The following PPP2R3A variants were observed in gnomAD, a reference collection of about 807,000 sequenced individuals.
The protein encoded by PPP2R3A is protein phosphatase 2 regulatory subunit B''alpha.
In PPP2R3A, 80 loss-of-function variants were observed where a neutral mutation model predicts 106.9. The observed-to-expected ratio is 0.75, with a 90% CI of 0.62 to 0.90. The LOEUF (loss-of-function observed/expected upper bound fraction) is 0.90. Ranked by LOEUF, PPP2R3A falls within the 40% of genes least tolerant of loss-of-function variation. PPP2R3A has a pLI of 0.00. For synonymous variants in PPP2R3A, 483 were observed against 468.3 expected, an observed-to-expected ratio of 1.03 and a Z score of -0.41; for missense variants, 1,386 against 1,350.4, an observed-to-expected ratio of 1.03 and a Z score of -0.41.
intron 3 of PPP2R3A, among the ~76,000 whole-genome samples, chr3:136,038,379 T>C (rs1175095441): frequency 6.6e-6 from 1 of 152,206 alleles, no homozygotes; most frequent in African/African-American, 2.4e-5. Context: ...TTCAGAGACT[T>C]AATCCTCCTT....
chr3:136,038,955 G>C (rs991571801), intron 3 of PPP2R3A, among the ~76,000 whole-genome samples: 12 of 152,172 alleles, frequency 7.9e-5, no homozygotes, highest in African/African-American at 1.9e-4. Context: ...CTTAAATTCT[G>C]CTCTGCTTGC....
intron 3 of PPP2R3A, among the ~76,000 whole-genome samples, chr3:136,032,472 G>A (rs1934930517): frequency 6.6e-6 from 1 of 151,076 alleles, no homozygotes; most frequent in East Asian, 1.9e-4. Context: ...CATATCATCA[G>A]CAAACAGCGA....
At chr3:136,024,752 A>G (rs1281472605) in intron 2 of PPP2R3A, among the ~76,000 whole-genome samples, 1 of 152,182 alleles carries the variant, frequency 6.6e-6, no homozygotes, top group African/African-American at 2.4e-5. Flanking sequence ...GTGATTGTAC[A>G]CCTGAACCTC....
intron 13 of PPP2R3A, among the ~76,000 whole-genome samples, chr3:136,140,037 AT>A (rs1275645262): frequency 1.3e-5 from 2 of 151,874 alleles, no homozygotes; most frequent in Non-Finnish European, 2.9e-5. Context: ...TATGTTCTCA[AT>A]TTGATACCTA....
rs1272682295 is a variant in PPP2R3A at position 136,087,909 on chromosome 3, A to ATAT, written c.2817_2819dup (p.Ile939_Phe940insLeu). 6.2e-7 allele frequency: 1 copy of ATAT among 1,610,686 alleles called. No homozygotes were observed. The highest frequency in any genetic ancestry group is 1.7e-5 in the Admixed American group (1 of 59,882). ...TTCATCAAGCAGGATTATTGAAAGG[A>ATAT]TATTCTCTGGTGCAGTAACAAGGTA... is the stretch of plus-strand genomic sequence containing the variant. On this transcript the variant is annotated inframe_insertion, in exon 9 of 14. Transcript: ENST00000264977.
intron 3 of PPP2R3A, among the ~76,000 whole-genome samples, chr3:136,033,363 CT>C (rs1934973375): frequency 6.6e-6 from 1 of 152,064 alleles, no homozygotes; most frequent in Admixed American, 6.5e-5. Context: ...TTATGTCCTC[CT>C]TTCCTGGTTT....
intron 2 of PPP2R3A, among the ~76,000 whole-genome samples, chr3:136,017,753 A>G (rs983524120): frequency 2.0e-5 from 3 of 152,184 alleles, no homozygotes; most frequent in Non-Finnish European, 4.4e-5. Flanking sequence ...ATCTTTCTGG[A>G]CCTGCTTCTA....
At chr3:136,072,009 C>T (rs1313592466) in intron 6 of PPP2R3A, among the ~76,000 whole-genome samples, 1 of 150,890 alleles carries the variant, frequency 6.6e-6, no homozygotes, top group Non-Finnish European at 1.5e-5. Context: ...TTCCTCTGCC[C>T]CCTCCCCCTA....
chr3:136,123,607 CATAA>C (rs1206501216), intron 13 of PPP2R3A, among the ~76,000 whole-genome samples: 1 of 152,090 alleles, frequency 6.6e-6, no homozygotes, highest in East Asian at 1.9e-4. Context: ...ATAGTAAGAA[CATAA>C]ATATTGTCCA....
intron 5 of PPP2R3A, among the ~76,000 whole-genome samples, chr3:136,054,645 TGA>T (rs1935800957): frequency 6.6e-6 from 1 of 152,198 alleles, no homozygotes; most frequent in Admixed American, 6.5e-5. Context: ...TTAGTATATG[TGA>T]AAATAAAGGA....
intron 6 of PPP2R3A, among the ~76,000 whole-genome samples, chr3:136,077,928 A>G (rs569416070): frequency 2.6e-5 from 4 of 152,330 alleles, no homozygotes; most frequent in Admixed American, 6.5e-5. Context: ...ATAAGGCTAT[A>G]ATAACCAGAA....
chr3:136,041,256 T>TTG (rs1935271012), intron 4 of PPP2R3A, among the ~76,000 whole-genome samples: 6 of 121,454 alleles, frequency 4.9e-5, no homozygotes, highest in African/African-American at 2.0e-4. Flanking sequence ...TTTTGTTTTT[T>TTG]TTTTTGTTTT....
Position 136,002,128 on chromosome 3 carries a change from G to A in PPP2R3A, c.630G>A (p.Leu210=). The A allele has an allele frequency of 6.2e-7, 1 of 1,613,968 alleles. No homozygotes were observed. Among genetic ancestry groups the A allele is most frequent in the Non-Finnish European group, 8.5e-7 (1 of 1,180,008 alleles). The change falls in exon 2 of 14, where the codon TTG becomes TTA. Residue 210 remains leucine, a synonymous_variant. Coordinates refer to ENST00000264977, the MANE Select transcript of PPP2R3A (RefSeq NM_002718.5). ...TTCAAAACTTTTCTGAAGAAGACTT[G>A]GTTACTCAGATTTTGGAAAAACATA... ...MFLQNFSEED[L]VTQILEKHKI... is the part of the protein sequence containing the mutation.
intron 10 of PPP2R3A, among the ~76,000 whole-genome samples, chr3:136,094,830 A>G (rs1366563653): frequency 6.6e-6 from 1 of 152,184 alleles, no homozygotes; most frequent in Non-Finnish European, 1.5e-5. Flanking sequence ...TCTGCACCAC[A>G]TTTTCCAGAA....
chr3:136,067,737 C>T (rs1304325579), intron 5 of PPP2R3A, among the ~76,000 whole-genome samples: 3 of 152,190 alleles, frequency 2.0e-5, no homozygotes, highest in Non-Finnish European at 4.4e-5. Context: ...AAAATGTACA[C>T]AATGAAATAC....
At chr3:136,010,490 G>GA in intron 2 of PPP2R3A, among the ~76,000 whole-genome samples, 1 of 144,564 alleles carries the variant, frequency 6.9e-6, no homozygotes, top group East Asian at 2.0e-4. Flanking sequence ...GCAGTGGCGG[G>GA]ATCTCGGCTC....
At chr3:136,031,694 G>A (rs994582135) in intron 3 of PPP2R3A, among the ~76,000 whole-genome samples, 7 of 152,130 alleles carry the variant, frequency 4.6e-5, no homozygotes, top group Admixed American at 2.0e-4. Flanking sequence ...GGTGACAGAC[G>A]AGGATCAGTT....
chr3:136,107,639 T>C (rs776282220), intron 13 of PPP2R3A, among the ~76,000 whole-genome samples: 1 of 152,082 alleles, frequency 6.6e-6, no homozygotes, highest in African/African-American at 2.4e-5. Context: ...ATATTATCTT[T>C]TTTGAGGGTG....
At position 136,039,592 on chromosome 3, in the gene PPP2R3A, C is replaced by T. The variant is rs183525614; in HGVS notation, c.2263-1267C>T. On this transcript the variant is annotated intron_variant, in intron 3 of 13. Transcript: ENST00000264977. Reference sequence around the variant, plus strand: ...ACAGTTCACGATAGGGTTCACTCTCCTATAACAATCTGATGCTGCCACTGA... The same window carrying T: ...ACAGTTCACGATAGGGTTCACTCTCTTATAACAATCTGATGCTGCCACTGA... Among the ~76,000 whole-genome samples, 194 of 152,092 alleles carry T rather than the reference C, an allele frequency of 1.3e-3. 1 individual carries two copies. The highest frequency in any genetic ancestry group is 0.011 in the Admixed American group (172 of 15,268).
Sources: allele counts gnomAD v4.1 joint callset (sites outside exome capture counted in the v4.1 genomes callset), GRCh38; gene constraint gnomAD v4.1.1; transcripts MANE v1.5; gene names NCBI Gene and HGNC (gene_info 2026-07-23, HGNC 2026-07-21).